DYRK1A: variants seen among roughly 807,000 people sequenced by gnomAD.
The protein encoded by DYRK1A is dual specificity tyrosine-phosphorylation-regulated kinase 1A.
A neutral mutation model predicts 79.7 loss-of-function variants in DYRK1A; 9 were observed. The observed-to-expected ratio is 0.11, with a 90% CI of 0.07 to 0.20. The LOEUF is 0.20. Among genes scored for constraint, DYRK1A ranks in the 10% least tolerant of loss-of-function variants. The pLI is 1.00. For missense variants in DYRK1A, 622 were observed against 956.0 expected, an observed-to-expected ratio of 0.65 and a Z score of 4.61; for synonymous variants, 349 against 329.7, an observed-to-expected ratio of 1.06 and a Z score of -0.63.
intron 2 of DYRK1A, among the ~76,000 whole-genome samples, chr21:37,449,822 A>C (rs775631986): frequency 2.6e-5 from 4 of 152,150 alleles, no homozygotes; most frequent in Non-Finnish European, 4.4e-5. Flanking sequence ...TTTACTTTCA[A>C]GTCTAGTCAA....
At chr21:37,453,401 G>A (rs1383792468) in intron 2 of DYRK1A, among the ~76,000 whole-genome samples, 3 of 152,144 alleles carry the variant, frequency 2.0e-5, no homozygotes, top group Non-Finnish European at 4.4e-5. Flanking sequence ...AATGAATGAA[G>A]GAGAGGAAGA....
chr21:37,435,804 G>A (rs1381685711), intron 2 of DYRK1A, among the ~76,000 whole-genome samples: 1 of 152,164 alleles, frequency 6.6e-6, no homozygotes, highest in Non-Finnish European at 1.5e-5. Flanking sequence ...TGCCTGTGTA[G>A]TCTAGCAAAT....
chr21:37,506,940 G>T (rs1473552513), intron 11 of DYRK1A, among the ~76,000 whole-genome samples: 1 of 152,160 alleles, frequency 6.6e-6, no homozygotes, highest in Non-Finnish European at 1.5e-5. Flanking sequence ...AATCCCACAT[G>T]CAGCTGTTTG....
chr21:37,462,285 T>C (rs1254213794), intron 2 of DYRK1A, among the ~76,000 whole-genome samples: 2 of 152,170 alleles, frequency 1.3e-5, no homozygotes. Flanking sequence ...GTTGTTCTCT[T>C]TAAAGAGTGT....
rs533472171 is a variant in DYRK1A at position 37,397,389 on chromosome 21, A to G, written c.-76-22910A>G. Among the ~76,000 whole-genome samples, 6 of 152,342 alleles carry G rather than the reference A, an allele frequency of 3.9e-5. No individual in the cohort carries two copies. In the South Asian group the frequency reaches 1.2e-3, roughly 32 times the overall value. ...TGCTAAGGGTAGTATATTGAAAGAC[A>G]AGTTTTGAAATTAATTAGAAACCTA... On this transcript the variant is annotated intron_variant, in intron 1 of 11. Coordinates refer to ENST00000647188, the MANE Select transcript of DYRK1A (RefSeq NM_001347721.2).
At position 37,525,361 on chromosome 21, in the gene DYRK1A, T is replaced by A. The variant is rs1245690831; in HGVS notation, c.*12830T>A. 6.6e-6 allele frequency: 1 copy of A among 151,890 alleles called. No individual in the cohort carries two copies. Among genetic ancestry groups the A allele is most frequent in the Admixed American group, 6.6e-5 (1 of 15,256 alleles). The allele number at this position is 151,890 out of a possible 1,614,324, so 9.4% of individuals were successfully genotyped here. ...TCTTAGGTGGCGGCAAGCAAGAGAG[T>A]GTGTGCAGGGGAACTGCCCTTTATA... On this transcript the variant is annotated 3_prime_UTR_variant, in exon 12 of 12. Coordinates refer to ENST00000647188, the MANE Select transcript of DYRK1A (RefSeq NM_001347721.2).
chr21:37,441,446 T>C (rs2051100720), intron 2 of DYRK1A, among the ~76,000 whole-genome samples: 1 of 152,146 alleles, frequency 6.6e-6, no homozygotes, highest in Non-Finnish European at 1.5e-5. Flanking sequence ...ATTTGTGTTG[T>C]CTGTTTTTCC....
chr21:37,476,159 G>T (rs193237798), intron 3 of DYRK1A, among the ~76,000 whole-genome samples: 1 of 152,074 alleles, frequency 6.6e-6, no homozygotes, highest in South Asian at 2.1e-4. Flanking sequence ...ATAATATTTC[G>T]GACCACCCGG....
At chr21:37,462,683 A>G (rs1000651336) in intron 2 of DYRK1A, among the ~76,000 whole-genome samples, 6 of 152,102 alleles carry the variant, frequency 3.9e-5, no homozygotes, top group East Asian at 1.9e-4. Flanking sequence ...ATTCCAGCCA[A>G]TTCAGTGGCC....
At chr21:37,365,602 A>G (rs2049288141), upstream of DYRK1A, 1 of 152,188 alleles carries the variant, frequency 6.6e-6, no homozygotes, top group Admixed American at 6.5e-5. Context: ...TCGGGAGCTC[A>G]CCCAGCAATA....
At chr21:37,490,039 A>C in intron 6 of DYRK1A, 136 bp from the exon 7 acceptor site, 1 of 885,600 alleles carries the variant, frequency 1.1e-6, no homozygotes. Context: ...CTGTTATTAC[A>C]AAATGCTGAT....
chr21:37,440,052 T>C (rs1970163118), intron 2 of DYRK1A, among the ~76,000 whole-genome samples: 2 of 151,558 alleles, frequency 1.3e-5, no homozygotes, highest in Non-Finnish European at 2.9e-5. Context: ...GTTTTATTGA[T>C]TTCTGTTTTT....
rs896362756 is a variant in DYRK1A at position 37,482,788 on chromosome 21, A to G, written c.489+1962A>G. Among the ~76,000 whole-genome samples the G allele has an allele frequency of 4.6e-5, 7 of 152,124 alleles. No homozygotes were observed. In the South Asian group the frequency reaches 1.0e-3, roughly 23 times the overall value. On this transcript the variant is annotated intron_variant, in intron 5 of 11. Transcript: ENST00000647188. ...CACACCCAAGGGGGCCATTTCAGAG[A>G]CCTACCCTCAGGGGCTCATTCTCTT...
rs1167692744 is a variant in DYRK1A at position 37,455,072 on chromosome 21, A to G, written c.11-17612A>G. ...AGCATACTTGAGCAGGTTAGGTTAC[A>G]TTCTGGCAAAAAACAGGCTCCCAGG... On this transcript the variant is annotated intron_variant, in intron 2 of 11. Coordinates refer to ENST00000647188, the MANE Select transcript of DYRK1A (RefSeq NM_001347721.2). Among the ~76,000 whole-genome samples, 4 of 139,250 alleles carry G rather than the reference A, an allele frequency of 2.9e-5. No homozygotes were observed. The East Asian group carries it at 6.2e-4, about 22-fold the overall frequency. The allele number at this position is 139,250 out of a possible 152,430, so 91.4% of individuals were successfully genotyped here.
upstream of DYRK1A, among the ~76,000 whole-genome samples, chr21:37,366,733 T>A (rs1450116746): frequency 6.6e-6 from 1 of 151,576 alleles, no homozygotes; most frequent in East Asian, 2.0e-4. Flanking sequence ...CGTCAGCACG[T>A]CAGCCGGGGT....
intron 1 of DYRK1A, among the ~76,000 whole-genome samples, chr21:37,408,148 C>T (rs916492543): frequency 6.6e-6 from 1 of 152,206 alleles, no homozygotes; most frequent in Non-Finnish European, 1.5e-5. Flanking sequence ...AAATCCCACA[C>T]ATTTTGCTCA....
intron 1 of DYRK1A, among the ~76,000 whole-genome samples, chr21:37,374,046 A>G (rs1247466991): frequency 6.6e-6 from 1 of 152,196 alleles, no homozygotes; most frequent in Non-Finnish European, 1.5e-5. Flanking sequence ...AAATGTAGCT[A>G]TACTTTTAGT....
In DYRK1A at chr21:37,396,376, C is replaced by G. The variant is rs2049959962; in HGVS notation, c.-76-23923C>G. On this transcript the variant is annotated intron_variant, in intron 1 of 11. Transcript: ENST00000647188. ...TTGTCCGTTTTCTGTGTAATTTGTC[C>G]AGGCTCAGGAGAGTTAAAGGCATAG... 2.0e-5 allele frequency among the ~76,000 whole-genome samples: 3 copies of G among 152,006 alleles called. No homozygotes were observed. The South Asian group carries it at 6.2e-4, about 32-fold the overall frequency.
chr21:37,405,954 G>C (rs886692195), intron 1 of DYRK1A, among the ~76,000 whole-genome samples: 1 of 151,744 alleles, frequency 6.6e-6, no homozygotes, highest in African/African-American at 2.4e-5. Flanking sequence ...ATCAATAGGC[G>C]TAAATAAGTT....
Sources: allele counts gnomAD v4.1 joint callset (sites outside exome capture counted in the v4.1 genomes callset), GRCh38; gene constraint gnomAD v4.1.1; transcripts MANE v1.5; gene names NCBI Gene and HGNC (gene_info 2026-07-23, HGNC 2026-07-21).